The following MSN variants were observed in gnomAD, a reference collection of about 807,000 sequenced individuals.
MSN encodes the protein moesin, also known as epididymis luminal protein 70.
A neutral mutation model predicts 48.0 loss-of-function variants in MSN; 2 were observed. The ratio of observed to expected loss-of-function variants is 0.04; its 90% confidence interval spans 0.02 to 0.13. The LOEUF (loss-of-function observed/expected upper bound fraction) is 0.13, where lower values mean the gene tolerates loss of function less well. Ranked by LOEUF, MSN falls within the 10% of genes least tolerant of loss-of-function variation. The pLI is 1.00. For synonymous variants in MSN, 146 were observed against 166.9 expected (o/e 0.87, Z 0.97); for missense variants, 267 against 470.1 (o/e 0.57, Z 3.99).
chrX:65,711,628 A>G (rs906534037), intron 1 of MSN, among the ~76,000 whole-genome samples: 3 of 112,866 alleles, frequency 2.7e-5, no homozygotes, highest in Non-Finnish European at 5.6e-5. Flanking sequence ...ATTACTTAAT[A>G]TGATAATAAG....
At chrX:65,619,179 A>G (rs1437875269) in intron 1 of MSN, among the ~76,000 whole-genome samples, 2 of 100,945 alleles carry the variant, frequency 2.0e-5, no homozygotes, top group Non-Finnish European at 3.9e-5. Context: ...TCTGACAATT[A>G]TGTGTCTTGG....
chrX:65,680,900 C>T (rs1043171874), intron 1 of MSN, among the ~76,000 whole-genome samples: 2 of 110,421 alleles, frequency 1.8e-5, no homozygotes, highest in African/African-American at 6.6e-5. Flanking sequence ...AGGGATGTGC[C>T]ACCAAACCTG....
At chrX:65,623,628 T>G (rs757134551) in intron 1 of MSN, among the ~76,000 whole-genome samples, 1 of 109,517 alleles carries the variant, frequency 9.1e-6, no homozygotes, top group East Asian at 2.9e-4. Flanking sequence ...CTGGCCTACA[T>G]GGTGAAACCC....
At chrX:65,693,161 T>C (rs918470074) in intron 1 of MSN, among the ~76,000 whole-genome samples, 6 of 111,967 alleles carry the variant, frequency 5.4e-5, no homozygotes, top group Non-Finnish European at 9.4e-5. Flanking sequence ...ACCTTCCATG[T>C]TGGTTACTAA....
intron 1 of MSN, among the ~76,000 whole-genome samples, chrX:65,687,582 C>T (rs1051404377): frequency 9.0e-6 from 1 of 111,442 alleles, no homozygotes; most frequent in Non-Finnish European, 1.9e-5. Context: ...GGTAACTGAC[C>T]TTAACTATAA....
chrX:65,711,121 C>G (rs999386805), intron 1 of MSN, among the ~76,000 whole-genome samples: 1 of 110,529 alleles, frequency 9.0e-6, no homozygotes, highest in Non-Finnish European at 1.9e-5. Context: ...TGCAATGACG[C>G]GATGTCAACT....
rs1467538956 is a variant in MSN at position 65,606,569 on chromosome X, T to C, written c.-22+17957T>C. Among the ~76,000 whole-genome samples the C allele has an allele frequency of 7.2e-5, 8 of 111,777 alleles. No homozygotes were observed. The East Asian group carries it at 2.3e-3, about 32-fold the overall frequency. On this transcript the variant is annotated intron_variant, in intron 1 of 3. Transcript: ENST00000609672. ...TCCTGGGTAGCTGGGACTACAGGCATGTGCCACCATGCCCAGCTAATTTTT... is the reference window on the plus strand; with the variant it reads ...TCCTGGGTAGCTGGGACTACAGGCACGTGCCACCATGCCCAGCTAATTTTT...
At chrX:65,677,614 C>T (rs930071302) in intron 1 of MSN, among the ~76,000 whole-genome samples, 10 of 109,994 alleles carry the variant, frequency 9.1e-5, no homozygotes, top group African/African-American at 2.7e-4. Context: ...AAAAAATAGC[C>T]GGGCGTGTTG....
chrX:65,634,411 G>T (rs1290319100), intron 1 of MSN, among the ~76,000 whole-genome samples: 1 of 111,775 alleles, frequency 8.9e-6, no homozygotes, highest in African/African-American at 3.2e-5. Context: ...TCAGGAGTTC[G>T]AGACCAGCCT....
At position 65,615,210 on chromosome X, in the gene MSN, G is replaced by T. The variant is rs1435202786; in HGVS notation, c.-22+26598G>T. 6.4e-5 allele frequency among the ~76,000 whole-genome samples: 7 copies of T among 109,578 alleles called. No individual in the cohort carries two copies. In the East Asian group the frequency reaches 1.4e-3, roughly 23 times the overall value. Reference sequence around the variant, plus strand: ...AGCAGCATGATTTATAGTCCTTTGGGTATATACCCAGTAATGGGATGGCTG... The same window carrying T: ...AGCAGCATGATTTATAGTCCTTTGGTTATATACCCAGTAATGGGATGGCTG... On this transcript the variant is annotated intron_variant, in intron 1 of 3. Transcript: ENST00000609672.
intron 1 of MSN, among the ~76,000 whole-genome samples, chrX:65,655,749 G>T (rs1004152424): frequency 7.1e-5 from 8 of 112,183 alleles, no homozygotes; most frequent in Admixed American, 4.7e-4. Context: ...ATAGCTTGTG[G>T]TTTTTTTGTT....
At chrX:65,625,003 C>T (rs953061109) in intron 1 of MSN, 1 of 111,859 alleles carries the variant, frequency 8.9e-6, no homozygotes, top group Non-Finnish European at 1.9e-5. Flanking sequence ...TCATTCATCT[C>T]TAAGTATACT....
intron 1 of MSN, among the ~76,000 whole-genome samples, chrX:65,641,551 T>C (rs1166745621): frequency 7.4e-4 from 1 of 1,354 alleles, no homozygotes; most frequent in Non-Finnish European, 1.2e-3. Flanking sequence ...AAAAGTGAAG[T>C]ATATATATAT....
At chrX:65,716,062 TC>T in intron 1 of MSN, among the ~76,000 whole-genome samples, 1 of 112,062 alleles carries the variant, frequency 8.9e-6, no homozygotes, top group South Asian at 3.7e-4. Flanking sequence ...GAAAGCTTTT[TC>T]TGCCCTTTAG....
At chrX:65,593,878 A>G (rs2070167374) in intron 1 of MSN, among the ~76,000 whole-genome samples, 1 of 112,473 alleles carries the variant, frequency 8.9e-6, no homozygotes, top group African/African-American at 3.2e-5. Flanking sequence ...GCAGTTTGTT[A>G]TCTTCATTGA....
At chrX:65,634,295 T>C (rs1350898508) in intron 1 of MSN, among the ~76,000 whole-genome samples, 1 of 112,247 alleles carries the variant, frequency 8.9e-6, no homozygotes, top group African/African-American at 3.2e-5. Context: ...CCCGTCTGTA[T>C]GTAATGCAAA....
At chrX:65,644,948 A>T (rs1220234589) in intron 1 of MSN, among the ~76,000 whole-genome samples, 1 of 112,677 alleles carries the variant, frequency 8.9e-6, no homozygotes, top group Non-Finnish European at 1.9e-5. Context: ...CAGGGCAAAC[A>T]GAGGGGGATT....
intron 1 of MSN, among the ~76,000 whole-genome samples, chrX:65,622,096 CTTTTTTT>C (rs757740196): frequency 1.1e-5 from 1 of 90,661 alleles, no homozygotes; most frequent in Non-Finnish European, 2.2e-5. Context: ...CTTTTCTTTT[CTTTTTTT>C]TTTTTTTTTG....
At chrX:65,654,943 T>C (rs2148376697) in intron 1 of MSN, among the ~76,000 whole-genome samples, 1 of 111,584 alleles carries the variant, frequency 9.0e-6, no homozygotes, top group South Asian at 3.8e-4. Flanking sequence ...TCCCCATACC[T>C]CAACACTTAG....
Sources: allele counts gnomAD v4.1 joint callset (sites outside exome capture counted in the v4.1 genomes callset), GRCh38; gene constraint gnomAD v4.1.1; transcripts MANE v1.5; gene names NCBI Gene and HGNC (gene_info 2026-07-23, HGNC 2026-07-21).